Variants in SUSD4 observed in about 807,000 individuals in gnomAD.
The protein encoded by SUSD4 is sushi domain containing 4, also known as sushi domain-containing protein 4.
A neutral mutation model predicts 50.5 loss-of-function variants in SUSD4; 41 were observed. That is an observed-to-expected ratio of 0.81 (90% CI 0.63 to 1.05). The LOEUF is 1.05. Ranked by LOEUF, SUSD4 falls within the 50% of genes least tolerant of loss-of-function variation. The pLI is 0.00. For missense variants in SUSD4, 580 were observed against 634.7 expected, an observed-to-expected ratio of 0.91 and a Z score of 0.93; for synonymous variants, 257 against 257.3, an observed-to-expected ratio of 1.00 and a Z score of 0.01.
At chr1:223,363,486 A>G (rs748174372) in intron 1 of SUSD4, 26 bp from the exon 2 acceptor site, 66 of 1,452,458 alleles carry the variant, frequency 4.5e-5, no homozygotes, top group Non-Finnish European at 6.0e-5. Flanking sequence ...GAACACCACA[A>G]TAAGCCAGTC....
chr1:223,317,435 T>C (rs543505687), intron 2 of SUSD4, among the ~76,000 whole-genome samples: 1 of 152,336 alleles, frequency 6.6e-6, no homozygotes, highest in Admixed American at 6.5e-5. Context: ...CTTTTATTCC[T>C]CTTGCTTTCA....
At chr1:223,276,991 C>T (rs991478666) in intron 3 of SUSD4, among the ~76,000 whole-genome samples, 5 of 152,154 alleles carry the variant, frequency 3.3e-5, no homozygotes, top group Non-Finnish European at 7.4e-5. Context: ...GCTCACTTAA[C>T]ATATAAGTAA....
chr1:223,293,193 T>C (rs954846951), intron 2 of SUSD4, among the ~76,000 whole-genome samples: 2 of 151,848 alleles, frequency 1.3e-5, no homozygotes, highest in African/African-American at 4.8e-5. Context: ...ATGGTAGGGG[T>C]GGCTGGGAAT....
intron 1 of SUSD4, 96 bp from the exon 2 acceptor site, chr1:223,363,556 C>T: frequency 7.5e-7 from 1 of 1,326,866 alleles, no homozygotes; most frequent in East Asian, 2.8e-5. Flanking sequence ...GCCTCGGCTT[C>T]CCAGGCTCCA....
At chr1:223,251,732 T>C (rs1000850583) in intron 5 of SUSD4, among the ~76,000 whole-genome samples, 1 of 152,184 alleles carries the variant, frequency 6.6e-6, no homozygotes, top group African/African-American at 2.4e-5. Flanking sequence ...TGTGTCTTTA[T>C]AGCAGCATGA....
In SUSD4 at chr1:223,221,720, A is replaced by T. The variant is rs1271582696; in HGVS notation, c.*472T>A. ...GTGCAGGAGGCTCTGCTGTTCTTCCAGCATCTCAACACAAACTTTCTGCAG... is the reference window on the plus strand; with the variant it reads ...GTGCAGGAGGCTCTGCTGTTCTTCCTGCATCTCAACACAAACTTTCTGCAG... On this transcript the variant is annotated 3_prime_UTR_variant, in exon 9 of 9. Transcript: ENST00000366878. 6.4e-6 allele frequency: 1 copy of T among 155,730 alleles called. No homozygotes were observed. Among genetic ancestry groups the T allele is most frequent in the African/African-American group, 2.4e-5 (1 of 41,620 alleles). The allele number at this position is 155,730 out of a possible 1,614,324, so 9.6% of individuals were successfully genotyped here. A position where few individuals can be genotyped will look rare whatever the true frequency, so the allele number is the denominator to read the frequency against.
At chr1:223,283,305 T>C (rs950472773) in intron 3 of SUSD4, among the ~76,000 whole-genome samples, 6 of 152,196 alleles carry the variant, frequency 3.9e-5, no homozygotes, top group African/African-American at 1.4e-4. Context: ...ACCTACAGAA[T>C]GGGAGAAAAT....
intron 2 of SUSD4, among the ~76,000 whole-genome samples, chr1:223,315,731 T>A (rs560202678): frequency 2.9e-4 from 44 of 152,042 alleles, no homozygotes; most frequent in African/African-American, 7.5e-4. Flanking sequence ...GAAAAAAAAA[T>A]TTTTCCGCTA....
At chr1:223,302,242 AC>A (rs1665243470) in intron 2 of SUSD4, among the ~76,000 whole-genome samples, 1 of 152,220 alleles carries the variant, frequency 6.6e-6, no homozygotes, top group Admixed American at 6.5e-5. Context: ...AGCCTGCAGA[AC>A]CATGAGCACA....
rs910698865 is a variant in SUSD4, at chr1:223,331,137, C to T, written c.148+32141G>A. Among the ~76,000 whole-genome samples the T allele has an allele frequency of 7.2e-5, 11 of 152,296 alleles. No homozygotes were observed. The South Asian group carries it at 1.0e-3, about 14-fold the overall frequency. On this transcript the variant is annotated intron_variant, in intron 2 of 8. Transcript: ENST00000366878. ...CCACTCAAAGGTCACCTACTAAACT[C>T]GTTTGTTTATACTTTAACAGCAGAT...
intron 5 of SUSD4, among the ~76,000 whole-genome samples, chr1:223,256,431 A>G (rs541775131): frequency 3.1e-4 from 47 of 152,320 alleles, no homozygotes; most frequent in Middle Eastern, 3.4e-3. Context: ...GAGGCTGACT[A>G]AAGATAGCAG....
At chr1:223,266,784 T>G (rs1662520310) in intron 4 of SUSD4, among the ~76,000 whole-genome samples, 2 of 152,198 alleles carry the variant, frequency 1.3e-5, no homozygotes, top group African/African-American at 4.8e-5. Context: ...TAGGGCCAAT[T>G]ACATTCCCCC....
At chr1:223,276,004 A>C (rs1253236142) in intron 3 of SUSD4, among the ~76,000 whole-genome samples, 1 of 152,246 alleles carries the variant, frequency 6.6e-6, no homozygotes, top group Non-Finnish European at 1.5e-5. Context: ...TAGGACTCAC[A>C]GGATGCTGCC....
chr1:223,333,173 C>A (rs746215971), intron 2 of SUSD4, among the ~76,000 whole-genome samples: 1 of 152,140 alleles, frequency 6.6e-6, no homozygotes, highest in Non-Finnish European at 1.5e-5. Flanking sequence ...CACACACCCA[C>A]GGGTGCACAC....
At chr1:223,228,883 G>A (rs1412446935) in intron 6 of SUSD4, among the ~76,000 whole-genome samples, 3 of 151,682 alleles carry the variant, frequency 2.0e-5, no homozygotes, top group Non-Finnish European at 4.4e-5. Flanking sequence ...ACCCTGTTTA[G>A]ATGGTCAGCT....
At chr1:223,355,105 C>T (rs1668586705) in intron 2 of SUSD4, among the ~76,000 whole-genome samples, 1 of 150,572 alleles carries the variant, frequency 6.6e-6, no homozygotes, top group Non-Finnish European at 1.5e-5. Context: ...GATGGAGTCT[C>T]GCTCTGTTGC....
At position 223,264,743 on chromosome 1, in the gene SUSD4, G is replaced by A; in HGVS notation, c.611C>T (p.Thr204Ile). Residue 204 changes from threonine (T) to isoleucine (I), a missense_variant, in exon 5 of 9, where the codon ACT (threonine) becomes ATT (isoleucine). Coordinates refer to ENST00000366878, the MANE Select transcript of SUSD4 (RefSeq NM_017982.4). Reference protein sequence around the residue: ...SELQTSFPVGTVISYRCFPGF... With the variant: ...SELQTSFPVGIVISYRCFPGF... ...GGGAAAGCAGCGATAGGAGATCACA[G>A]TCCCCACCGGGAAGGAGGTCTGGAG... The A allele has an allele frequency of 1.2e-6, 2 of 1,614,232 alleles. No homozygotes were observed. Among genetic ancestry groups the A allele is most frequent in the East Asian group, 4.5e-5 (2 of 44,886 alleles).
chr1:223,279,932 C>T (rs1263443241), intron 3 of SUSD4, among the ~76,000 whole-genome samples: 1 of 152,208 alleles, frequency 6.6e-6, no homozygotes, highest in African/African-American at 2.4e-5. Context: ...GGCCAATATT[C>T]AACATTCTTA....
intron 2 of SUSD4, among the ~76,000 whole-genome samples, chr1:223,321,886 C>A (rs138634664): frequency 6.6e-6 from 1 of 152,144 alleles, no homozygotes; most frequent in Admixed American, 6.5e-5. Context: ...GGGTCTAATA[C>A]GGGTAGAGTA....
Sources: allele counts gnomAD v4.1 joint callset (sites outside exome capture counted in the v4.1 genomes callset), GRCh38; gene constraint gnomAD v4.1.1; transcripts MANE v1.5; gene names NCBI Gene and HGNC (gene_info 2026-07-23, HGNC 2026-07-21).